ANKRD18A: variants seen among roughly 807,000 people sequenced by gnomAD.
ANKRD18A encodes the protein ankyrin repeat domain 18A.
ANKRD18A carries 72 observed loss-of-function variants against 110.6 expected under a neutral mutation model. The observed-to-expected ratio is 0.65, with a 90% CI of 0.54 to 0.79. ANKRD18A has a LOEUF of 0.79. Among genes scored for constraint, ANKRD18A ranks in the 30% least tolerant of loss-of-function variants. The pLI is 0.00. For synonymous variants in ANKRD18A, 305 were observed against 410.3 expected (o/e 0.74, Z 3.10); for missense variants, 934 against 1,163.3 (o/e 0.80, Z 2.87).
chr9:38,572,389 T>G (rs1198991533), intron 15 of ANKRD18A: 1 of 197,262 alleles, frequency 5.1e-6, no homozygotes, highest in Non-Finnish European at 1.0e-5. Context: ...GCAGGTAATG[T>G]CCATATAGAG....
intron 1 of ANKRD18A, among the ~76,000 whole-genome samples, chr9:38,618,103 C>A (rs116799409): frequency 0.01 from 1,546 of 152,118 alleles, 24 homozygotes; most frequent in African/African-American, 0.035. Context: ...AAAGTTCAAA[C>A]CCTCACAATA....
In ANKRD18A at chr9:38,579,561, C is replaced by A. The variant is rs577767128; in HGVS notation, c.2248-1413G>T. Among the ~76,000 whole-genome samples, 8 of 152,166 alleles carry A rather than the reference C, an allele frequency of 5.3e-5. No homozygotes were observed. In the South Asian group the frequency reaches 1.7e-3, roughly 32 times the overall value. ...AAAAAAAAGAAATACAAATAGCGAA[C>A]AAATACATTTTAAAATGTTCAGTAT... is the stretch of plus-strand genomic sequence containing the variant. On this transcript the variant is annotated intron_variant, in intron 12 of 15. Coordinates refer to ENST00000399703, the MANE Select transcript of ANKRD18A (RefSeq NM_147195.4).
chr9:38,570,286 C>T (rs1340235027), downstream of ANKRD18A, among the ~76,000 whole-genome samples: 2 of 152,014 alleles, frequency 1.3e-5, no homozygotes, highest in Non-Finnish European at 2.9e-5. Flanking sequence ...GGTTGCTGCT[C>T]ACCTCACCCC....
chr9:38,595,701 G>A lies in ANKRD18A; in HGVS notation c.1639C>T (p.Arg547Cys), dbSNP rs575493959. The A allele has an allele frequency of 1.4e-5, 21 of 1,551,238 alleles. No homozygotes were observed. The highest frequency in any genetic ancestry group is 1.1e-4 in the South Asian group (9 of 84,020). The change falls in exon 9 of 16, where the codon CGT becomes TGT. Residue 547 changes from arginine to cysteine, a missense_variant. Physicochemically the swap from Arg to Cys is radical, Grantham distance 180. Around this residue, in one of 4 missense-constraint regions of ANKRD18A, gnomAD observed 630 missense variants for 797.5 expected, o/e 0.79. Coordinates refer to ENST00000399703, the MANE Select transcript of ANKRD18A (RefSeq NM_147195.4). ...AAGAGATTTTCAAGTTCTTGTTGAC[G>A]TATTCTCTCCTCTAAAGAGTTCTGC... is the stretch of plus-strand genomic sequence containing the variant. ...GKQNSLEERIRQQELENLLLE... is the reference protein window; with the variant it reads ...GKQNSLEERICQQELENLLLE...
chr9:38,595,512 A>G lies in ANKRD18A; in HGVS notation c.1828T>C (p.Cys610Arg). The change falls in exon 9 of 16, where the codon TGT (cysteine) becomes CGT (arginine). Residue 610 changes from cysteine (C) to arginine (R), a missense_variant. Cys to Arg is a radical substitution (Grantham distance 180). Coordinates refer to ENST00000399703, the MANE Select transcript of ANKRD18A (RefSeq NM_147195.4). ...TCTCTTTCTGCTTTTTCTTTTTCAC[A>G]CTGAAGCAGTTTTTCTTTTAAATAA... is the stretch of plus-strand genomic sequence containing the variant. ...YNYLKEKLLQ[C>R]EKEKAEREVI... 1.3e-6 allele frequency: 2 copies of G among 1,492,986 alleles called. No individual in the cohort carries two copies. Among genetic ancestry groups the G allele is most frequent in the Non-Finnish European group, 1.8e-6 (2 of 1,123,358 alleles). The allele number at this position is 1,492,986 out of a possible 1,614,324, so 92.5% of individuals were successfully genotyped here. A position where few individuals can be genotyped will look rare whatever the true frequency, so the allele number is the denominator to read the frequency against.
chr9:38,610,875 A>C (rs1203023646), intron 4 of ANKRD18A, among the ~76,000 whole-genome samples: 1 of 149,522 alleles, frequency 6.7e-6, no homozygotes, highest in Non-Finnish European at 1.5e-5. Context: ...TAATAATAAT[A>C]ATAATGGTAA....
At chr9:38,612,012 C>T (rs1825641608) in intron 3 of ANKRD18A, among the ~76,000 whole-genome samples, 1 of 152,156 alleles carries the variant, frequency 6.6e-6, no homozygotes, top group Admixed American at 6.5e-5. Context: ...CTGGGTGGCA[C>T]AAACTTGCTT....
At chr9:38,581,591 G>A (rs1302801818) in intron 12 of ANKRD18A, among the ~76,000 whole-genome samples, 1 of 152,004 alleles carries the variant, frequency 6.6e-6, no homozygotes, top group African/African-American at 2.4e-5. Context: ...GAAAATTATG[G>A]AATGACTTTT....
intron 15 of ANKRD18A, among the ~76,000 whole-genome samples, chr9:38,573,337 G>T (rs1383542967): frequency 6.6e-6 from 1 of 152,106 alleles, no homozygotes; most frequent in African/African-American, 2.4e-5. Context: ...TCTGTGTAAT[G>T]CTATTTAGAG....
intron 3 of ANKRD18A, among the ~76,000 whole-genome samples, chr9:38,612,895 C>T (rs1168032053): frequency 1.3e-5 from 2 of 151,408 alleles, no homozygotes; most frequent in Non-Finnish European, 2.9e-5. Flanking sequence ...CACTTCTCAG[C>T]AGGAATAACC....
At position 38,575,612 on chromosome 9, in the gene ANKRD18A, C is replaced by CT. The variant is rs1383249401; in HGVS notation, c.2827dup (p.Arg943LysfsTer10). ...AACACAAGGTAACTCTGGTTCTGGC[C>CT]TTGTAGGAAGAGTGCTGAGAAAATA... On this transcript the variant is annotated frameshift_variant, in exon 15 of 16. Coordinates refer to ENST00000399703, the MANE Select transcript of ANKRD18A (RefSeq NM_147195.4). LOFTEE classifies it high-confidence loss of function. 1.3e-6 allele frequency: 2 copies of CT among 1,551,648 alleles called. No individual in the cohort carries two copies. The highest frequency in any genetic ancestry group is 2.4e-5 in the South Asian group (2 of 84,048).
At chr9:38,589,483 G>A (rs922761103) in intron 10 of ANKRD18A, among the ~76,000 whole-genome samples, 9 of 152,254 alleles carry the variant, frequency 5.9e-5, no homozygotes, top group Non-Finnish European at 1.0e-4. Context: ...CTCTGTATCC[G>A]TGCTTTCACA....
chr9:38,573,657 G>C (rs920698922), intron 15 of ANKRD18A, among the ~76,000 whole-genome samples: 5 of 152,194 alleles, frequency 3.3e-5, no homozygotes, highest in African/African-American at 1.2e-4. Context: ...GGAGGTTGCA[G>C]TGAGCCGAGA....
downstream of ANKRD18A, among the ~76,000 whole-genome samples, chr9:38,570,538 T>C (rs1823600669): frequency 6.6e-6 from 1 of 152,184 alleles, no homozygotes; most frequent in Non-Finnish European, 1.5e-5. Context: ...AGATACCCAC[T>C]GGGTGAGGCC....
intron 12 of ANKRD18A, among the ~76,000 whole-genome samples, chr9:38,580,478 T>C (rs1022176543): frequency 2.6e-5 from 4 of 152,230 alleles, no homozygotes; most frequent in African/African-American, 9.6e-5. Context: ...GGTTAATGGA[T>C]ACAGAATTAC....
Position 38,596,139 on chromosome 9 carries a change from G to C in ANKRD18A, c.1201C>G (p.Leu401Val). 1 of 1,549,924 alleles carries C rather than the reference G, an allele frequency of 6.5e-7. No individual in the cohort carries two copies. Among genetic ancestry groups the C allele is most frequent in the African/African-American group, 1.4e-5 (1 of 73,030 alleles). ...LNDLKAENARLNSELEKEKHN... is the reference protein window; with the variant it reads ...LNDLKAENARVNSELEKEKHN... ...TTTTCCTTCTCCAATTCTGAATTCA[G>C]CCTTGCATTCTCAGCTTTCAGATCA... Residue 401 changes from leucine (L) to valine (V), a missense_variant, in exon 9 of 16, where the codon CTG (leucine) becomes GTG (valine). Physicochemically the swap from Leu to Val is conservative, Grantham distance 32. Coordinates refer to ENST00000399703, the MANE Select transcript of ANKRD18A (RefSeq NM_147195.4).
chr9:38,607,308 C>T (rs553348120), intron 6 of ANKRD18A, 118 bp downstream of exon 6: 10 of 731,758 alleles, frequency 1.4e-5, no homozygotes, highest in East Asian at 4.4e-5. Context: ...CCACCCGCCT[C>T]GGCCTCCCAA....
At chr9:38,587,923 A>C (rs1824453691) in intron 11 of ANKRD18A, among the ~76,000 whole-genome samples, 1 of 152,138 alleles carries the variant, frequency 6.6e-6, no homozygotes, top group Non-Finnish European at 1.5e-5. Flanking sequence ...CCCCATCTCT[A>C]CTAAAAATAC....
Position 38,620,375 on chromosome 9 carries a change from ATCTCCCCCGCAACCCGCG to A in ANKRD18A, c.-108_-91del, listed in dbSNP as rs1826041835. On this transcript the variant is annotated 5_prime_UTR_variant, in exon 1 of 16. Transcript: ENST00000399703. ...ACCCCCACTCCGCCCCAAATCCGCG[ATCTCCCCCGCAACCCGCG>A]ATCCCCCCCGCAACCCGCGATCCAC... is the stretch of plus-strand genomic sequence containing the variant. The A allele has an allele frequency of 1.7e-6, 1 of 594,526 alleles. No homozygotes were observed. Among genetic ancestry groups the A allele is most frequent in the Non-Finnish European group, 2.3e-6 (1 of 438,034 alleles). The allele number at this position is 594,526 out of a possible 1,614,324, so 36.8% of individuals were successfully genotyped here.
Sources: allele counts gnomAD v4.1 joint callset (sites outside exome capture counted in the v4.1 genomes callset), GRCh38; gene constraint gnomAD v4.1.1; regional missense constraint gnomAD v4.1.1; transcripts MANE v1.5; gene names NCBI Gene and HGNC (gene_info 2026-07-23, HGNC 2026-07-21).